The following CNTNAP4 variants were observed in gnomAD, a reference collection of about 807,000 sequenced individuals.
The protein encoded by CNTNAP4 is contactin associated protein family member 4.
CNTNAP4 carries 98 observed loss-of-function variants against 148.4 expected under a neutral mutation model. The ratio of observed to expected loss-of-function variants is 0.66; its 90% CI spans 0.56 to 0.78. The LOEUF (loss-of-function observed/expected upper bound fraction) is 0.78, where lower values mean the gene tolerates loss of function less well. CNTNAP4 is among the 30% of genes least tolerant of loss of function. The probability of loss-of-function intolerance (pLI) is 0.00; values close to 1 mark genes in which losing one functional copy is unlikely to be tolerated. For missense variants in CNTNAP4, 1,935 were observed against 1,565.6 expected (o/e 1.24, Z -3.98); for synonymous variants, 730 against 565.1 (o/e 1.29, Z -4.14).
chr16:76,517,975 C>G (rs2083311618), intron 15 of CNTNAP4, among the ~76,000 whole-genome samples: 1 of 151,946 alleles, frequency 6.6e-6, no homozygotes, highest in African/African-American at 2.4e-5. Context: ...AGTTAATTTT[C>G]CTAAATTGAC....
chr16:76,452,643 A>C lies in CNTNAP4; in HGVS notation c.1207A>C (p.Lys403Gln). 6.2e-7 allele frequency: 1 copy of C among 1,613,986 alleles called. No individual in the cohort carries two copies. Among genetic ancestry groups the C allele is most frequent in the Non-Finnish European group, 8.5e-7 (1 of 1,179,888 alleles). The change falls in exon 8 of 24, where the codon AAG becomes CAG. Residue 403 changes from lysine (K) to glutamine (Q), a missense_variant. By Grantham distance (53) the Lys-to-Gln change is moderately conservative. Transcript: ENST00000611870. ...CACTTTTCAATTTCGAACTTGGAAT[A>C]AGGCAGGGCTTCTGCTGTTCAGTGA... Reference protein sequence around the residue: ...SATFQFRTWNKAGLLLFSELQ... With the variant: ...SATFQFRTWNQAGLLLFSELQ...
chr16:76,368,990 C>A (rs181865601), intron 3 of CNTNAP4, among the ~76,000 whole-genome samples: 129 of 150,812 alleles, frequency 8.6e-4, no homozygotes, highest in African/African-American at 3.0e-3. Context: ...AAGTATGAAA[C>A]TTTCTAAAAA....
intron 1 of CNTNAP4, among the ~76,000 whole-genome samples, chr16:76,287,159 G>C (rs1958922690): frequency 6.6e-6 from 1 of 152,118 alleles, no homozygotes; most frequent in Non-Finnish European, 1.5e-5. Context: ...GAAAGAACTA[G>C]GGTACATTTA....
chr16:76,522,266 T>C lies in CNTNAP4; in HGVS notation c.2755+9T>C, dbSNP rs2083486001. 7.4e-6 allele frequency: 12 copies of C among 1,611,514 alleles called. No individual in the cohort carries two copies. The highest frequency in any genetic ancestry group is 9.3e-6 in the Non-Finnish European group (11 of 1,178,332). ...CAGTCAGCTCTTCGTGGGTAAGTTC[T>C]CTTTTTAAGCAATCATTTTATTGTA... On this transcript the variant is annotated intron_variant, in intron 17 of 23. Coordinates refer to ENST00000611870, the MANE Select transcript of CNTNAP4 (RefSeq NM_033401.5).
chr16:76,342,334 C>G (rs976308623), intron 2 of CNTNAP4, among the ~76,000 whole-genome samples: 1 of 152,078 alleles, frequency 6.6e-6, no homozygotes, highest in Non-Finnish European at 1.5e-5. Context: ...TTCTTCTTCT[C>G]AGTTATGCAT....
chr16:76,290,129 G>T (rs1184240248), intron 1 of CNTNAP4, among the ~76,000 whole-genome samples: 4 of 152,088 alleles, frequency 2.6e-5, no homozygotes, highest in Admixed American at 1.3e-4. Context: ...TCTCACACAG[G>T]CCTGTGAGAC....
intron 2 of CNTNAP4, among the ~76,000 whole-genome samples, chr16:76,325,038 C>T (rs1962826805): frequency 6.6e-6 from 1 of 152,126 alleles, no homozygotes; most frequent in Non-Finnish European, 1.5e-5. Flanking sequence ...AGACAGCCAG[C>T]CCTCGGGGGC....
chr16:76,408,262 C>T (rs1263698565), intron 3 of CNTNAP4, among the ~76,000 whole-genome samples: 3 of 128,260 alleles, frequency 2.3e-5, no homozygotes, highest in Non-Finnish European at 3.7e-5. Flanking sequence ...GTGTCTGTAC[C>T]TATGATAAGT....
At chr16:76,332,252 A>G (rs1212794428) in intron 2 of CNTNAP4, among the ~76,000 whole-genome samples, 2 of 152,006 alleles carry the variant, frequency 1.3e-5, no homozygotes, top group East Asian at 3.9e-4. Context: ...AAATTTGGAA[A>G]GTTTGGGGCC....
In CNTNAP4 at chr16:76,460,773, A is replaced by AAAAAAAAATATATAT; in HGVS notation, c.1334-1182_1334-1181insAAAAAAATATATATA. Among the ~76,000 whole-genome samples, 4 of 57,324 alleles carry AAAAAAAAATATATAT rather than the reference A, an allele frequency of 7.0e-5. No individual in the cohort carries two copies. The East Asian group carries it at 2.0e-3, about 29-fold the overall frequency. The allele number at this position is 57,324 out of a possible 152,430, so 37.6% of individuals were successfully genotyped here. ...TGTCTCAAAAAAAAAAAAAAAAAAA[A>AAAAAAAAATATATAT]ATATATATATATATATATATATTTA... On this transcript the variant is annotated intron_variant, in intron 8 of 23. Transcript: ENST00000611870.
intron 2 of CNTNAP4, among the ~76,000 whole-genome samples, chr16:76,331,970 A>C (rs1963567489): frequency 6.6e-6 from 1 of 152,138 alleles, no homozygotes; most frequent in African/African-American, 2.4e-5. Flanking sequence ...AGGTAGTTTT[A>C]CTAGATTTAG....
In CNTNAP4 at chr16:76,441,143, T is replaced by A. The variant is rs538817342; in HGVS notation, c.539-6869T>A. Among the ~76,000 whole-genome samples, 30 of 152,278 alleles carry A rather than the reference T, an allele frequency of 2.0e-4. 1 individual carries two copies. The highest frequency in any genetic ancestry group is 2.6e-4 in the Admixed American group (4 of 15,280). The stretch of plus-strand genomic sequence containing the variant: ...CAGCCGTGATACAAAAGCGGAACTC[T>A]GAAGACAGGCATGAATAATTGCATC... On this transcript the variant is annotated intron_variant, in intron 4 of 23. Transcript: ENST00000611870.
intron 21 of CNTNAP4, among the ~76,000 whole-genome samples, chr16:76,549,823 A>T (rs955216265): frequency 6.6e-6 from 1 of 152,190 alleles, no homozygotes; most frequent in Non-Finnish European, 1.5e-5. Flanking sequence ...AATTTAGAGA[A>T]TATATAGAGG....
intron 12 of CNTNAP4, among the ~76,000 whole-genome samples, chr16:76,487,294 G>A (rs1425008041): frequency 6.6e-6 from 1 of 152,178 alleles, no homozygotes; most frequent in Non-Finnish European, 1.5e-5. Flanking sequence ...TTCAACAAAT[G>A]TCTTCTGCGT....
intron 3 of CNTNAP4, among the ~76,000 whole-genome samples, chr16:76,370,160 G>A (rs1428753): frequency 0.46 from 70,350 of 151,836 alleles, 16,559 homozygotes; most frequent in Admixed American, 0.54. Context: ...AGAATAAAGC[G>A]TACCTTGGTT....
chr16:76,512,586 C>T (rs9934364), intron 15 of CNTNAP4, among the ~76,000 whole-genome samples: 3,465 of 152,086 alleles, frequency 0.023, 118 homozygotes, highest in African/African-American at 0.075. Flanking sequence ...TATAAAGAGC[C>T]CAGTTTTAGG....
intron 15 of CNTNAP4, among the ~76,000 whole-genome samples, chr16:76,499,806 C>G (rs530906512): frequency 6.6e-6 from 1 of 151,806 alleles, no homozygotes; most frequent in African/African-American, 2.4e-5. Context: ...CAAAGCACAT[C>G]TTGCACCGCC....
chr16:76,461,886 T>G, intron 8 of CNTNAP4, 70 bp from the exon 9 acceptor site: 2 of 1,336,644 alleles, frequency 1.5e-6, no homozygotes, highest in Non-Finnish European at 1.1e-6. Flanking sequence ...ATGTGTATAT[T>G]GCTGTTTCTA....
intron 3 of CNTNAP4, among the ~76,000 whole-genome samples, chr16:76,367,467 T>C (rs2014282294): frequency 6.6e-6 from 1 of 152,004 alleles, no homozygotes; most frequent in African/African-American, 2.4e-5. Context: ...ATATATAACA[T>C]AAAAGAAAGG....
Sources: allele counts gnomAD v4.1 joint callset (sites outside exome capture counted in the v4.1 genomes callset), GRCh38; gene constraint gnomAD v4.1.1; transcripts MANE v1.5; gene names NCBI Gene and HGNC (gene_info 2026-07-23, HGNC 2026-07-21).